IGSF3: variants seen among roughly 807,000 people sequenced by gnomAD.
The protein encoded by IGSF3 is immunoglobulin superfamily member 3.
In IGSF3, 23 loss-of-function variants were observed where a neutral mutation model predicts 114.4. That is an observed-to-expected ratio of 0.20 (90% CI 0.14 to 0.28). The LOEUF (loss-of-function observed/expected upper bound fraction) is 0.28, where lower values mean the gene tolerates loss of function less well. IGSF3 is among the 10% of genes least tolerant of loss of function. The probability of loss-of-function intolerance (pLI) is 1.00; values close to 1 mark genes in which losing one functional copy is unlikely to be tolerated. For missense variants in IGSF3, 1,172 were observed against 1,591.5 expected (o/e 0.74, Z 4.48); for synonymous variants, 571 against 645.2 (o/e 0.88, Z 1.74).
At position 116,603,785 on chromosome 1, in the gene IGSF3, T is replaced by C. The variant is rs1660688873; in HGVS notation, c.1463A>G (p.Gln488Arg). ...RSSFGGVQME[Q>R]VQPNSFSLGI... ...CAGGCTGAACGAGTTGGGCTGCACC[T>C]GCTCCATCTGGACGCCCCCAAAGCT... The change falls in exon 6 of 11, where the codon CAG (glutamine) becomes CGG (arginine). Residue 488 changes from glutamine (Q) to arginine (R), a missense_variant. By Grantham distance (43) the Gln-to-Arg change is conservative (BLOSUM62 1). Transcript: ENST00000369486. The surrounding 1 kb of genome is among the most constrained non-coding windows in gnomAD (Gnocchi z 7.1). 1 of 1,613,916 alleles carries C rather than the reference T, an allele frequency of 6.2e-7. No individual in the cohort carries two copies. The highest frequency in any genetic ancestry group is 1.7e-5 in the Admixed American group (1 of 60,000).
At position 116,577,185 on chromosome 1, in the gene IGSF3, A is replaced by G; in HGVS notation, c.*127T>C. 9.4e-7 allele frequency: 1 copy of G among 1,065,494 alleles called. No homozygotes were observed. The highest frequency in any genetic ancestry group is 1.3e-6 in the Non-Finnish European group (1 of 749,426). The allele number at this position is 1,065,494 out of a possible 1,614,324, so 66.0% of individuals were successfully genotyped here. A position where few individuals can be genotyped will look rare whatever the true frequency, so the allele number is the denominator to read the frequency against. ...CTGTGACTGACTGGGAACTTGGAAC[A>G]CTTTTCAAGTCTGACAACTTTCCAC... On this transcript the variant is annotated 3_prime_UTR_variant, in exon 11 of 11. Coordinates refer to ENST00000369486, the MANE Select transcript of IGSF3 (RefSeq NM_001007237.3). This position sits in a 1 kb window ranked among gnomAD's most constrained non-coding sequence, Gnocchi z 5.7.
chr1:116,662,340 C>T lies in IGSF3; in HGVS notation c.43+3944G>A, dbSNP rs1012963677. On this transcript the variant is annotated intron_variant, in intron 2 of 10. Coordinates refer to ENST00000369486, the MANE Select transcript of IGSF3 (RefSeq NM_001007237.3). The surrounding 1 kb of genome is among the most constrained non-coding windows in gnomAD (Gnocchi z 4.3). ...CCCGCCTCAGCCTCCCAAAGTGCTG[C>T]GGTTACAAGCATGAGCCACCATGCC... is the stretch of plus-strand genomic sequence containing the variant. Among the ~76,000 whole-genome samples the T allele has an allele frequency of 1.2e-4, 19 of 152,016 alleles. No individual in the cohort carries two copies. The highest frequency in any genetic ancestry group is 3.9e-4 in the African/African-American group (16 of 41,390).
rs548559953 is a variant in IGSF3 at position 116,650,888 on chromosome 1, G to A, written c.43+15396C>T. ...GTTCTTAACACAGAAGGTTTGGGAA[G>A]CTCTGATCTAAGCCCTAGCCTGGGC... On this transcript the variant is annotated intron_variant, in intron 2 of 10. Transcript: ENST00000369486. This position sits in a 1 kb window ranked among gnomAD's most constrained non-coding sequence, Gnocchi z 5.0. 2.6e-5 allele frequency among the ~76,000 whole-genome samples: 4 copies of A among 152,344 alleles called. No individual in the cohort carries two copies. In the East Asian group the frequency reaches 7.7e-4, roughly 29 times the overall value.
rs941317022 is a variant in IGSF3, at chr1:116,616,800, A to G, written c.44-343T>C. 6.6e-6 allele frequency among the ~76,000 whole-genome samples: 1 copy of G among 152,234 alleles called. No homozygotes were observed. The highest frequency in any genetic ancestry group is 2.4e-5 in the African/African-American group (1 of 41,460). On this transcript the variant is annotated intron_variant, in intron 2 of 10. Transcript: ENST00000369486. This position sits in a 1 kb window ranked among gnomAD's most constrained non-coding sequence, Gnocchi z 6.6. ...TAATGCTGTGTATGAAGTTTTTAAT[A>G]AAATGAGCAGGAAAAGTTGAATCCT...
Position 116,608,143 on chromosome 1 carries a change from C to T in IGSF3, c.1021G>A (p.Ala341Thr). The T allele has an allele frequency of 1.2e-6, 2 of 1,613,862 alleles. No individual in the cohort carries two copies. The highest frequency in any genetic ancestry group is 1.1e-5 in the South Asian group (1 of 91,068). Reference protein sequence around the residue: ...NAVPVLNSEFAHREARGQLKV... With the variant: ...NAVPVLNSEFTHREARGQLKV... ...AGCTGTCCCCTGGCTTCCCGGTGAG[C>T]AAATTCGCTGTTGAGGACAGGCACA... Residue 341 changes from alanine (A) to threonine (T), a missense_variant, in exon 5 of 11, where the codon GCT becomes ACT. Transcript: ENST00000369486.
rs147901178 is a variant in IGSF3, at chr1:116,584,972, G to A, written c.2521C>T (p.Leu841Phe). ...TRQVQLECVV[L>F]NRTSITSQLM... is the part of the protein sequence containing the mutation. ...TGGGAGGTTATGCTGGTGCGGTTGA[G>A]AACCACACACTCCAGCTGTACCTGC... The change falls in exon 9 of 11, where the codon CTC (leucine) becomes TTC (phenylalanine). Residue 841 changes from leucine (L) to phenylalanine (F), a missense_variant. By Grantham distance (22) the Leu-to-Phe change is conservative. Transcript: ENST00000369486. This position sits in a 1 kb window ranked among gnomAD's most constrained non-coding sequence, Gnocchi z 5.8. 1.2e-6 allele frequency: 2 copies of A among 1,605,766 alleles called. No homozygotes were observed. Among genetic ancestry groups the A allele is most frequent in the Non-Finnish European group, 1.7e-6 (2 of 1,173,712 alleles).
At chr1:116,591,686 A>G (rs1021237302) in intron 7 of IGSF3, among the ~76,000 whole-genome samples, 6 of 152,138 alleles carry the variant, frequency 3.9e-5, no homozygotes, top group Non-Finnish European at 8.8e-5. Context: ...TTCCTCCCAC[A>G]TCTCCAGGGC....
intron 2 of IGSF3, among the ~76,000 whole-genome samples, chr1:116,635,074 A>T (rs555844092): frequency 6.6e-5 from 10 of 152,274 alleles, no homozygotes; most frequent in African/African-American, 2.4e-4. Context: ...ACTTCATGAA[A>T]GAGAATAAAC....
chr1:116,630,469 G>A (rs1201029471), intron 2 of IGSF3, among the ~76,000 whole-genome samples: 1 of 152,198 alleles, frequency 6.6e-6, no homozygotes, highest in African/African-American at 2.4e-5. Flanking sequence ...TGAGGGAAGT[G>A]TACATTCCCC....
chr1:116,643,073 G>C (rs1381001472), intron 2 of IGSF3, among the ~76,000 whole-genome samples: 7 of 152,212 alleles, frequency 4.6e-5, no homozygotes, highest in Admixed American at 4.6e-4. Flanking sequence ...AAAAGGCGCA[G>C]GGGGATGGGG....
At position 116,649,653 on chromosome 1, in the gene IGSF3, A is replaced by T. The variant is rs1309378585; in HGVS notation, c.43+16631T>A. ...CAACTCAAATGTGAGTTATTCCAGT[A>T]GCTTGAACTTGTCACTGGCCTTTTA... is the stretch of plus-strand genomic sequence containing the variant. On this transcript the variant is annotated intron_variant, in intron 2 of 10. Coordinates refer to ENST00000369486, the MANE Select transcript of IGSF3 (RefSeq NM_001007237.3). This position sits in a 1 kb window ranked among gnomAD's most constrained non-coding sequence, Gnocchi z 4.5. Among the ~76,000 whole-genome samples, 1 of 152,172 alleles carries T rather than the reference A, an allele frequency of 6.6e-6. No individual in the cohort carries two copies. Among genetic ancestry groups the T allele is most frequent in the African/African-American group, 2.4e-5 (1 of 41,446 alleles).
At chr1:116,656,426 G>A (rs944799034) in intron 2 of IGSF3, among the ~76,000 whole-genome samples, 1 of 149,862 alleles carries the variant, frequency 6.7e-6, no homozygotes, top group Non-Finnish European at 1.5e-5. Flanking sequence ...TCCGCCTCCC[G>A]GGTAGCTGCA....
Position 116,648,899 on chromosome 1 carries a change from G to C in IGSF3, c.43+17385C>G, listed in dbSNP as rs1571190354. Among the ~76,000 whole-genome samples the C allele has an allele frequency of 6.6e-6, 1 of 152,274 alleles. No homozygotes were observed. The highest frequency in any genetic ancestry group is 2.1e-4 in the South Asian group (1 of 4,820). On this transcript the variant is annotated intron_variant, in intron 2 of 10. Transcript: ENST00000369486. This position sits in a 1 kb window ranked among gnomAD's most constrained non-coding sequence, Gnocchi z 4.7. ...CTCATGAACAAGGATGCCCTTCCCT[G>C]GACAGCCAAGATGTAAACCTGCCCC...
chr1:116,626,011 T>A (rs1262378904), intron 2 of IGSF3, among the ~76,000 whole-genome samples: 1 of 152,246 alleles, frequency 6.6e-6, no homozygotes, highest in Non-Finnish European at 1.5e-5. Context: ...GCTTCTAAGC[T>A]GCTGCCTAAT....
rs1648758914 is a variant in IGSF3, at chr1:116,654,390, T to C, written c.43+11894A>G. ...CTACCCAGGAGGTCACCAGTGTCTC[T>C]GAGAAAAGTGCAGATCAATGCCTCC... On this transcript the variant is annotated intron_variant, in intron 2 of 10. Transcript: ENST00000369486. This position sits in a 1 kb window ranked among gnomAD's most constrained non-coding sequence, Gnocchi z 4.4. Among the ~76,000 whole-genome samples the C allele has an allele frequency of 6.6e-6, 1 of 152,216 alleles. No individual in the cohort carries two copies. Among genetic ancestry groups the C allele is most frequent in the Non-Finnish European group, 1.5e-5 (1 of 68,038 alleles).
intron 2 of IGSF3, 87 bp downstream of exon 2, chr1:116,666,197 T>C (rs1385618669): frequency 6.2e-6 from 8 of 1,284,190 alleles, no homozygotes; most frequent in Non-Finnish European, 9.1e-6. Flanking sequence ...AATCCTAGTG[T>C]TGATGAAAAA....
chr1:116,577,481 A>C lies in IGSF3; in HGVS notation c.3416T>G (p.Ile1139Ser). 6.2e-7 allele frequency: 1 copy of C among 1,614,192 alleles called. No individual in the cohort carries two copies. Among genetic ancestry groups the C allele is most frequent in the Non-Finnish European group, 8.5e-7 (1 of 1,180,034 alleles). The change falls in exon 11 of 11, where the codon ATT (isoleucine) becomes AGT (serine). Residue 1139 changes from isoleucine to serine, a missense_variant. Transcript: ENST00000369486. The surrounding 1 kb of genome is among the most constrained non-coding windows in gnomAD (Gnocchi z 5.7). ...VFFYPFPIFG[I>S]LIITILLVRF... ...CACCAGAAGGATGGTGATGATAAGA[A>C]TGCCAAAGATGGGGAAAGGGTAGAA...
In IGSF3 at chr1:116,613,843, T is replaced by C. The variant is rs766562655; in HGVS notation, c.754A>G (p.Ile252Val). The C allele has an allele frequency of 1.8e-5, 29 of 1,613,918 alleles. 1 individual carries two copies. In the South Asian group the frequency reaches 3.0e-4, roughly 16 times the overall value. Residue 252 changes from isoleucine to valine, a missense_variant, in exon 4 of 11, where the codon ATC becomes GTC. Around this residue, in one of 3 missense-constraint regions of IGSF3, gnomAD observed 736 missense variants for 1,042.0 expected, o/e 0.71. Coordinates refer to ENST00000369486, the MANE Select transcript of IGSF3 (RefSeq NM_001007237.3). ...GEFYCEAAEW[I>V]QDPDGSWYAM... ...TACCACGACCCATCCGGATCCTGGA[T>C]CCACTCGGCGGCCTCGCAGTAGAAT...
intron 7 of IGSF3, among the ~76,000 whole-genome samples, chr1:116,599,662 C>T (rs940540126): frequency 2.0e-5 from 3 of 152,114 alleles, no homozygotes; most frequent in Non-Finnish European, 2.9e-5. Context: ...GGGGAAGTGT[C>T]CCAATGTCCA....
Sources: gnomAD v4.1 joint callset for allele counts (sites outside exome capture counted in the v4.1 genomes callset) on GRCh38, gnomAD v4.1.1 for gene constraint, gnomAD v4.1.1 regional missense constraint, Gnocchi (gnomAD v3.1) non-coding constraint, MANE v1.5 for transcripts, NCBI Gene and HGNC (gene_info 2026-07-23, HGNC 2026-07-21) for gene names.